Variants in YPEL5 observed in about 807,000 individuals in gnomAD.
YPEL5 encodes yippee like 5.
In YPEL5, 1 loss-of-function variant was observed where a neutral mutation model predicts 10.5. The observed-to-expected ratio is 0.10, with a 90% CI of 0.03 to 0.45. The LOEUF is 0.45. Ranked by LOEUF, YPEL5 falls within the 20% of genes least tolerant of loss-of-function variation. YPEL5 has a pLI of 0.97. For missense variants in YPEL5, 68 were observed against 159.3 expected (o/e 0.43, Z 3.09); for synonymous variants, 61 against 56.6 (o/e 1.08, Z -0.35).
At chr2:30,155,496 C>T (rs1179145711) in intron 1 of YPEL5, among the ~76,000 whole-genome samples, 1 of 152,116 alleles carries the variant, frequency 6.6e-6, no homozygotes, top group Non-Finnish European at 1.5e-5. Context: ...ATTAGCTCTG[C>T]ATGCCATTGG....
rs1365539529 is a variant in YPEL5, at chr2:30,159,166, G to A, written c.*323G>A. 2 of 245,780 alleles carry A rather than the reference G, an allele frequency of 8.1e-6. No individual in the cohort carries two copies. Among genetic ancestry groups the A allele is most frequent in the African/African-American group, 4.5e-5 (2 of 44,540 alleles). The allele number at this position is 245,780 out of a possible 1,614,324, so 15.2% of individuals were successfully genotyped here. A position where few individuals can be genotyped will look rare whatever the true frequency, so the allele number is the denominator to read the frequency against. On this transcript the variant is annotated 3_prime_UTR_variant, in exon 3 of 3. Transcript: ENST00000261353. Reference sequence around the variant, plus strand: ...AAATCTGGGCTGTTAGAGTGAAAAAGTGTGTTTTATGTCAATTGTGAAAGG... The same window carrying A: ...AAATCTGGGCTGTTAGAGTGAAAAAATGTGTTTTATGTCAATTGTGAAAGG...
intron 2 of YPEL5, among the ~76,000 whole-genome samples, chr2:30,157,722 T>C (rs1305431636): frequency 6.6e-6 from 1 of 152,236 alleles, no homozygotes; most frequent in East Asian, 1.9e-4. Flanking sequence ...GGTACTGTTC[T>C]TAGAAGATCA....
At chr2:30,152,603 A>T (rs1447592928) in intron 1 of YPEL5, among the ~76,000 whole-genome samples, 7 of 152,206 alleles carry the variant, frequency 4.6e-5, no homozygotes, top group Non-Finnish European at 1.0e-4. Context: ...GAGAGAGTAA[A>T]TCTGATAGCC....
intron 1 of YPEL5, among the ~76,000 whole-genome samples, chr2:30,155,532 C>T (rs1676004523): frequency 6.6e-6 from 1 of 152,148 alleles, no homozygotes; most frequent in Non-Finnish European, 1.5e-5. Context: ...ATATTTAAAA[C>T]ACAGGCGCTG....
intron 1 of YPEL5, among the ~76,000 whole-genome samples, 197 bp downstream of exon 1, chr2:30,147,259 C>A (rs901292521): frequency 2.6e-5 from 4 of 151,834 alleles, no homozygotes; most frequent in African/African-American, 9.7e-5. Flanking sequence ...GCGCTGGGAC[C>A]GCGGGCGGAC....
At chr2:30,153,976 A>G (rs138063427) in intron 1 of YPEL5, among the ~76,000 whole-genome samples, 2 of 152,248 alleles carry the variant, frequency 1.3e-5, no homozygotes, top group Non-Finnish European at 2.9e-5. Flanking sequence ...ATGTAGGCAG[A>G]AGGCATAGGG....
At chr2:30,149,913 G>A (rs1413466136) in intron 1 of YPEL5, among the ~76,000 whole-genome samples, 1 of 152,226 alleles carries the variant, frequency 6.6e-6, no homozygotes, top group Non-Finnish European at 1.5e-5. Context: ...GTTTATCTGT[G>A]AACTGGGTGT....
chr2:30,149,225 T>G (rs1159937882), intron 1 of YPEL5, among the ~76,000 whole-genome samples: 1 of 152,218 alleles, frequency 6.6e-6, no homozygotes, highest in Admixed American at 6.5e-5. Context: ...TATTGAAATA[T>G]AGTGAACTTG....
chr2:30,158,585 C>G (rs752278982), intron 2 of YPEL5, 34 bp from the exon 3 acceptor site: 1 of 1,597,096 alleles, frequency 6.3e-7, no homozygotes, highest in African/African-American at 1.3e-5. Context: ...AACTAACATG[C>G]CTTGCAATTT....
chr2:30,149,092 C>G (rs1037673841), intron 1 of YPEL5, among the ~76,000 whole-genome samples: 3 of 152,114 alleles, frequency 2.0e-5, no homozygotes, highest in African/African-American at 4.8e-5. Flanking sequence ...TCACAACAAA[C>G]GAGACCATGA....
At chr2:30,151,519 A>G (rs571892267) in intron 1 of YPEL5, among the ~76,000 whole-genome samples, 1 of 152,340 alleles carries the variant, frequency 6.6e-6, no homozygotes, top group South Asian at 2.1e-4. Context: ...CCAGCCCCTC[A>G]CTGTTTCAGG....
At chr2:30,149,484 A>C (rs17009174) in intron 1 of YPEL5, among the ~76,000 whole-genome samples, 1 of 152,240 alleles carries the variant, frequency 6.6e-6, no homozygotes, top group African/African-American at 2.4e-5. Context: ...TTTCCCATGT[A>C]GATTTTTTAA....
At chr2:30,151,390 A>G (rs1675785153) in intron 1 of YPEL5, among the ~76,000 whole-genome samples, 1 of 152,186 alleles carries the variant, frequency 6.6e-6, no homozygotes, top group African/African-American at 2.4e-5. Flanking sequence ...CTTCTGATAA[A>G]AGAGAAATTG....
intron 1 of YPEL5, among the ~76,000 whole-genome samples, chr2:30,149,725 C>A (rs1294497278): frequency 6.6e-6 from 1 of 152,212 alleles, no homozygotes; most frequent in Admixed American, 6.5e-5. Context: ...GTTCCTTTAA[C>A]CCTTTCTGCG....
Position 30,159,966 on chromosome 2 carries a change from T to C in YPEL5, c.*1123T>C, listed in dbSNP as rs949154303. 5 of 152,656 alleles carry C rather than the reference T, an allele frequency of 3.3e-5. No homozygotes were observed. The highest frequency in any genetic ancestry group is 1.2e-4 in the African/African-American group (5 of 41,460). The allele number at this position is 152,656 out of a possible 1,614,324, so 9.5% of individuals were successfully genotyped here. Reference sequence around the variant, plus strand: ...AGCTCTTCTCTCAGAAGTTCAGCTGTTGAAACGAAAACTGTACTTTGTACC... The same window carrying C: ...AGCTCTTCTCTCAGAAGTTCAGCTGCTGAAACGAAAACTGTACTTTGTACC... On this transcript the variant is annotated 3_prime_UTR_variant, in exon 3 of 3. Coordinates refer to ENST00000261353, the MANE Select transcript of YPEL5 (RefSeq NM_016061.3).
intron 1 of YPEL5, among the ~76,000 whole-genome samples, chr2:30,152,120 G>A (rs915794159): frequency 5.3e-5 from 8 of 152,106 alleles, no homozygotes; most frequent in African/African-American, 1.9e-4. Context: ...TACACTTGTA[G>A]TGAGTAAACT....
intron 2 of YPEL5, 97 bp from the exon 3 acceptor site, chr2:30,158,522 T>G: frequency 8.7e-7 from 1 of 1,156,066 alleles, no homozygotes; most frequent in Non-Finnish European, 1.3e-6. Context: ...TCTTTCTCCT[T>G]TTCTGAAGTT....
At chr2:30,155,517 AAT>A (rs1209489302) in intron 1 of YPEL5, among the ~76,000 whole-genome samples, 2 of 152,234 alleles carry the variant, frequency 1.3e-5, no homozygotes, top group African/African-American at 4.8e-5. Context: ...AAAGATGTAT[AAT>A]AAATATTTAA....
chr2:30,157,256 C>G (rs1341169667), intron 2 of YPEL5, among the ~76,000 whole-genome samples: 1 of 151,392 alleles, frequency 6.6e-6, no homozygotes, highest in African/African-American at 2.4e-5. Flanking sequence ...GCACTCCAGC[C>G]TAGGCAACAG....
Sources: allele counts gnomAD v4.1 joint callset (sites outside exome capture counted in the v4.1 genomes callset), GRCh38; gene constraint gnomAD v4.1.1; transcripts MANE v1.5; gene names NCBI Gene and HGNC (gene_info 2026-07-23, HGNC 2026-07-21).